The following DIAPH1 variants were observed in gnomAD, a reference collection of about 807,000 sequenced individuals.
DIAPH1 encodes the protein diaphanous related formin 1.
In DIAPH1, 46 loss-of-function variants were observed where a neutral mutation model predicts 140.7. That is an observed-to-expected ratio of 0.33 (90% CI 0.26 to 0.42). The LOEUF is 0.42. Ranked by LOEUF, DIAPH1 falls within the 10% of genes least tolerant of loss-of-function variation. DIAPH1 has a pLI of 1.00. For missense variants in DIAPH1, 1,310 were observed against 1,558.7 expected, an observed-to-expected ratio of 0.84 and a Z score of 2.69; for synonymous variants, 565 against 551.6, an observed-to-expected ratio of 1.02 and a Z score of -0.34.
At chr5:141,521,880 A>G (rs2099886602) in intron 27 of DIAPH1, among the ~76,000 whole-genome samples, 1 of 152,146 alleles carries the variant, frequency 6.6e-6, no homozygotes, top group South Asian at 2.1e-4. Flanking sequence ...AAAATATTAG[A>G]GCTGGAAGGG....
intron 18 of DIAPH1, chr5:141,561,034 G>C (rs1489305405): frequency 2.4e-6 from 1 of 423,812 alleles, no homozygotes; most frequent in Non-Finnish European, 4.8e-6. Context: ...CTCACAATCT[G>C]GAACCTGAGC....
At chr5:141,560,423 G>A (rs2099893335) in intron 18 of DIAPH1, among the ~76,000 whole-genome samples, 1 of 152,078 alleles carries the variant, frequency 6.6e-6, no homozygotes, top group Admixed American at 6.5e-5. Flanking sequence ...CTGGCTTGGT[G>A]TTTACTTGCT....
At chr5:141,579,959 A>C (rs2154596483) in intron 8 of DIAPH1, among the ~76,000 whole-genome samples, 1 of 151,756 alleles carries the variant, frequency 6.6e-6, no homozygotes, top group African/African-American at 2.4e-5. Context: ...AAAAAAAAAA[A>C]GGAAAAAAAA....
At chr5:141,539,575 T>C (rs2099889642) in intron 18 of DIAPH1, among the ~76,000 whole-genome samples, 1 of 152,008 alleles carries the variant, frequency 6.6e-6, no homozygotes, top group Admixed American at 6.5e-5. Flanking sequence ...CCCAGCCTTT[T>C]TTGGGTAGTT....
chr5:141,521,292 T>A (rs1596333653), intron 27 of DIAPH1, among the ~76,000 whole-genome samples: 1 of 152,170 alleles, frequency 6.6e-6, no homozygotes, highest in Non-Finnish European at 1.5e-5. Context: ...TTTATCCCAG[T>A]GAGCAAATGA....
intron 27 of DIAPH1, among the ~76,000 whole-genome samples, chr5:141,520,597 A>C (rs1350772803): frequency 2.6e-5 from 4 of 152,198 alleles, no homozygotes; most frequent in Non-Finnish European, 5.9e-5. Flanking sequence ...TACAGTCTGC[A>C]GAACTGTCAG....
intron 18 of DIAPH1, among the ~76,000 whole-genome samples, chr5:141,558,744 C>T (rs1415601655): frequency 6.6e-6 from 1 of 152,044 alleles, no homozygotes; most frequent in Admixed American, 6.6e-5. Flanking sequence ...TAAAAAAGAA[C>T]ATGTAAGAAA....
intron 1 of DIAPH1, among the ~76,000 whole-genome samples, chr5:141,612,178 T>G (rs770639674): frequency 6.6e-6 from 1 of 152,228 alleles, no homozygotes; most frequent in Non-Finnish European, 1.5e-5. Flanking sequence ...GACAGGAAAT[T>G]GGAACTTTTA....
intron 18 of DIAPH1, among the ~76,000 whole-genome samples, chr5:141,570,636 T>C (rs1012647490): frequency 2.6e-5 from 4 of 152,120 alleles, no homozygotes; most frequent in African/African-American, 9.7e-5. Flanking sequence ...AAAATACTAA[T>C]TGACTAGGGG....
chr5:141,541,018 C>A (rs982598005), intron 18 of DIAPH1, among the ~76,000 whole-genome samples: 3 of 152,044 alleles, frequency 2.0e-5, no homozygotes, highest in Non-Finnish European at 4.4e-5. Context: ...TGAGATCATG[C>A]CACTGCACTC....
chr5:141,560,539 T>C (rs1049944805), intron 18 of DIAPH1: 2 of 162,290 alleles, frequency 1.2e-5, no homozygotes, highest in African/African-American at 4.8e-5. Flanking sequence ...TTTTGATAAT[T>C]GGAAATAATA....
chr5:141,545,645 A>G (rs772031466), intron 18 of DIAPH1, among the ~76,000 whole-genome samples: 9 of 152,164 alleles, frequency 5.9e-5, no homozygotes, highest in Non-Finnish European at 1.2e-4. Context: ...CCTGTCTCAG[A>G]AAAAAAGCAA....
At chr5:141,584,097 G>T (rs1325070486) in intron 4 of DIAPH1, 27 bp downstream of exon 4, 2 of 1,454,514 alleles carry the variant, frequency 1.4e-6, no homozygotes, top group Non-Finnish European at 1.9e-6. Context: ...AGTCTCCCAT[G>T]TCATGGGTAC....
chr5:141,579,104 G>T lies in DIAPH1; in HGVS notation c.917C>A (p.Thr306Asn). The T allele has an allele frequency of 6.2e-7, 1 of 1,613,808 alleles. No individual in the cohort carries two copies. Among genetic ancestry groups the T allele is most frequent in the South Asian group, 1.1e-5 (1 of 91,066 alleles). ...QPLLDGLKSG[T>N]TIALKVGCLQ... is the part of the protein sequence containing the mutation. ...TATACATGCCTTCAGTGCAATAGTGGTTCCACTTTTTAATCCATCCAGCAG... is the reference window on the plus strand; with the variant it reads ...TATACATGCCTTCAGTGCAATAGTGTTTCCACTTTTTAATCCATCCAGCAG... Residue 306 changes from threonine to asparagine, a missense_variant, in exon 9 of 28, where the codon ACC becomes AAC. Coordinates refer to ENST00000389054, the MANE Select transcript of DIAPH1 (RefSeq NM_005219.5).
intron 18 of DIAPH1, chr5:141,536,201 T>C (rs546327061): frequency 4.1e-5 from 12 of 293,220 alleles, no homozygotes; most frequent in East Asian, 1.0e-4. Flanking sequence ...ACTCAGGAGG[T>C]TGACGTGGGA....
At chr5:141,585,108 C>T (rs951740669) in intron 3 of DIAPH1, among the ~76,000 whole-genome samples, 3 of 152,094 alleles carry the variant, frequency 2.0e-5, no homozygotes, top group Admixed American at 6.5e-5. Context: ...AGGCGCCCGC[C>T]ACCACACTCA....
At chr5:141,606,381 C>A (rs1458536551) in intron 1 of DIAPH1, among the ~76,000 whole-genome samples, 1 of 152,066 alleles carries the variant, frequency 6.6e-6, no homozygotes, top group East Asian at 1.9e-4. Context: ...TGAGTCAAAT[C>A]CTGCTTTCAT....
intron 7 of DIAPH1, among the ~76,000 whole-genome samples, chr5:141,581,255 T>TA (rs1170947622): frequency 1.3e-5 from 2 of 151,996 alleles, no homozygotes; most frequent in Non-Finnish European, 2.9e-5. Context: ...TACCAGAAAC[T>TA]AGGAGGGATA....
intron 18 of DIAPH1, among the ~76,000 whole-genome samples, chr5:141,543,042 G>T (rs926366124): frequency 1.3e-5 from 2 of 150,726 alleles, no homozygotes. Context: ...AGGGTAAAAG[G>T]TCATGCTGTT....
Sources: gnomAD v4.1 joint callset for allele counts (sites outside exome capture counted in the v4.1 genomes callset) on GRCh38, gnomAD v4.1.1 for gene constraint, MANE v1.5 for transcripts, NCBI Gene and HGNC (gene_info 2026-07-23, HGNC 2026-07-21) for gene names.